The following TJP1 variants were observed in gnomAD, a reference collection of about 807,000 sequenced individuals.
TJP1 encodes tight junction protein 1.
A neutral mutation model predicts 194.2 loss-of-function variants in TJP1; 43 were observed. The observed-to-expected ratio is 0.22, with a 90% CI of 0.17 to 0.29. The LOEUF (loss-of-function observed/expected upper bound fraction) is 0.29. Among genes scored for constraint, TJP1 ranks in the 10% least tolerant of loss-of-function variants. The pLI is 1.00. For missense variants in TJP1, 1,971 were observed against 2,185.7 expected, an observed-to-expected ratio of 0.90 and a Z score of 1.96; for synonymous variants, 801 against 779.0, an observed-to-expected ratio of 1.03 and a Z score of -0.47.
intron 2 of TJP1, among the ~76,000 whole-genome samples, chr15:29,888,723 A>T (rs2053206189): frequency 6.6e-6 from 1 of 152,150 alleles, no homozygotes; most frequent in African/African-American, 2.4e-5. Context: ...CTCTCCCTAG[A>T]TAAGGAGTGG....
In TJP1 at chr15:29,737,538, C is replaced by A. The variant is rs1007262048; in HGVS notation, c.1257-124G>T. The A allele has an allele frequency of 2.7e-5, 27 of 993,248 alleles. No homozygotes were observed. The East Asian group carries it at 7.1e-4, about 26-fold the overall frequency. The allele number at this position is 993,248 out of a possible 1,614,324, so 61.5% of individuals were successfully genotyped here. On this transcript the variant is annotated intron_variant, in intron 10 of 27. Coordinates refer to ENST00000614355, the MANE Select transcript of TJP1 (RefSeq NM_001330239.4). ...CATCATTTCTAAAACTTCTCTCATA[C>A]CACTATTTTACTAAATAAAATTTAG...
At chr15:29,917,953 A>G (rs1367539128) in intron 2 of TJP1, among the ~76,000 whole-genome samples, 1 of 152,152 alleles carries the variant, frequency 6.6e-6, no homozygotes, top group Non-Finnish European at 1.5e-5. Context: ...CATCTTCCCA[A>G]ACTGAAACTC....
At chr15:29,865,715 C>T (rs1014409554) in intron 2 of TJP1, among the ~76,000 whole-genome samples, 8 of 152,024 alleles carry the variant, frequency 5.3e-5, no homozygotes, top group Admixed American at 2.6e-4. Context: ...GAGCAATGTG[C>T]GGGATCTGGG....
chr15:29,966,501 A>AAAAT (rs199759350), intron 1 of TJP1, among the ~76,000 whole-genome samples: 72 of 152,028 alleles, frequency 4.7e-4, no homozygotes, highest in South Asian at 1.2e-3. Flanking sequence ...AAACTGTTTC[A>AAAAT]AAATAAATAA....
Position 29,822,059 on chromosome 15 carries a change from C to A in TJP1, c.-31G>T. The A allele has an allele frequency of 7.8e-7, 1 of 1,283,430 alleles. No individual in the cohort carries two copies. The highest frequency in any genetic ancestry group is 9.8e-7 in the Non-Finnish European group (1 of 1,015,414). The allele number at this position is 1,283,430 out of a possible 1,614,324, so 79.5% of individuals were successfully genotyped here. ...CTCTCTCCAGCGCCGCGCGAGGCTC[C>A]TCGGACCCGAAACTCCGCGGCGCTG... On this transcript the variant is annotated 5_prime_UTR_variant, in exon 1 of 28. In the 5' UTR this introduces an upstream ATG that the reference lacks. Coordinates refer to ENST00000614355, the MANE Select transcript of TJP1 (RefSeq NM_001330239.4).
intron 24 of TJP1, among the ~76,000 whole-genome samples, chr15:29,709,679 T>C (rs895353192): frequency 6.6e-6 from 1 of 152,222 alleles, no homozygotes; most frequent in African/African-American, 2.4e-5. Flanking sequence ...ACTCTGAATA[T>C]AGGGAATGTC....
At chr15:29,800,068 A>C (rs1361043176) in intron 2 of TJP1, among the ~76,000 whole-genome samples, 2 of 152,172 alleles carry the variant, frequency 1.3e-5, no homozygotes, top group Admixed American at 6.5e-5. Flanking sequence ...AAGGTGACTG[A>C]ATCACTTCCC....
chr15:29,916,708 G>T (rs1474145158), intron 2 of TJP1, among the ~76,000 whole-genome samples: 1 of 152,064 alleles, frequency 6.6e-6, no homozygotes, highest in Non-Finnish European at 1.5e-5. Context: ...TCAAAGATGG[G>T]ATTCTTTCTT....
intron 2 of TJP1, among the ~76,000 whole-genome samples, chr15:29,856,738 C>T (rs2051866320): frequency 6.6e-6 from 1 of 151,920 alleles, no homozygotes. Context: ...CTTTGGGAGG[C>T]TGAGGCGGGC....
At chr15:29,722,163 C>T (rs1261348941) in intron 18 of TJP1, among the ~76,000 whole-genome samples, 10 of 152,200 alleles carry the variant, frequency 6.6e-5, no homozygotes, top group African/African-American at 2.4e-4. Flanking sequence ...TGTTAAGTAA[C>T]GAGGGACAGA....
chr15:29,907,954 A>G (rs2053872038), intron 2 of TJP1, among the ~76,000 whole-genome samples: 1 of 151,004 alleles, frequency 6.6e-6, no homozygotes, highest in African/African-American at 2.4e-5. Context: ...CAAAGTGAGA[A>G]CAACAGTGCT....
chr15:29,967,498 G>A (rs771891369), intron 1 of TJP1, among the ~76,000 whole-genome samples: 4 of 152,128 alleles, frequency 2.6e-5, no homozygotes, highest in Non-Finnish European at 4.4e-5. Flanking sequence ...ATCCCCATGA[G>A]GGAGATAACA....
chr15:29,711,875 G>A (rs1056164833), intron 23 of TJP1, among the ~76,000 whole-genome samples: 7 of 152,144 alleles, frequency 4.6e-5, no homozygotes, highest in South Asian at 2.1e-4. Flanking sequence ...GCATATCTGC[G>A]TTTCAGTAAA....
intron 8 of TJP1, 73 bp downstream of exon 8, chr15:29,761,066 T>C (rs2045969935): frequency 2.1e-6 from 3 of 1,429,296 alleles, no homozygotes; most frequent in Admixed American, 2.6e-5. Context: ...TTAATTTTAT[T>C]TGTAAGCAAT....
At chr15:29,788,713 A>G (rs1446093523) in intron 2 of TJP1, among the ~76,000 whole-genome samples, 2 of 152,250 alleles carry the variant, frequency 1.3e-5, no homozygotes, top group South Asian at 2.1e-4. Flanking sequence ...TAGTATACAA[A>G]TATTTAATCT....
intron 1 of TJP1, among the ~76,000 whole-genome samples, chr15:29,959,717 T>C (rs1056990502): frequency 1.3e-5 from 2 of 152,204 alleles, no homozygotes; most frequent in African/African-American, 4.8e-5. Flanking sequence ...AAATTACGGG[T>C]CCACTGATGA....
At chr15:29,748,564 CTTTTTTTTTTTTTTTTT>C (rs61364565) in intron 8 of TJP1, among the ~76,000 whole-genome samples, 2 of 73,356 alleles carry the variant, frequency 2.7e-5, no homozygotes, top group Non-Finnish European at 2.4e-5. Flanking sequence ...CTTCCTAATT[CTTTTTTTTTTTTTTTTT>C]TTTTTTTTTT....
At chr15:29,726,240 T>G (rs2043227989) in intron 18 of TJP1, 139 bp downstream of exon 18, 1 of 728,814 alleles carries the variant, frequency 1.4e-6, no homozygotes, top group Non-Finnish European at 2.3e-6. Context: ...ACACACAAAT[T>G]ATAAAAACCT....
Position 29,790,751 on chromosome 15 carries a change from C to CTT in TJP1, c.84+9893_84+9894dup, listed in dbSNP as rs926624507. Among the ~76,000 whole-genome samples the CTT allele has an allele frequency of 4.3e-3, 561 of 130,798 alleles. 3 individuals carry two copies. Among genetic ancestry groups the CTT allele is most frequent in the African/African-American group, 0.015 (517 of 35,608 alleles). The allele number at this position is 130,798 out of a possible 152,430, so 85.8% of individuals were successfully genotyped here. A position where few individuals can be genotyped will look rare whatever the true frequency, so the allele number is the denominator to read the frequency against. On this transcript the variant is annotated intron_variant, in intron 2 of 27. Transcript: ENST00000614355. The stretch of plus-strand genomic sequence containing the variant: ...TCTCTGTCTCCGTGAGTTCATTTTT[C>CTT]TTTTTTTTTTTTTTTTTAGTTCCCA...
Sources: gnomAD v4.1 joint callset for allele counts (sites outside exome capture counted in the v4.1 genomes callset) on GRCh38, gnomAD v4.1.1 for gene constraint, MANE v1.5 for transcripts, NCBI Gene and HGNC (gene_info 2026-07-23, HGNC 2026-07-21) for gene names.